Variants in KCNB2 observed in about 807,000 individuals in gnomAD.
The protein encoded by KCNB2 is potassium voltage-gated channel subfamily B member 2.
KCNB2 carries 15 observed loss-of-function variants against 61.5 expected under a neutral mutation model. The observed-to-expected ratio is 0.24, with a 90% CI of 0.16 to 0.38. The LOEUF (loss-of-function observed/expected upper bound fraction) is 0.38. KCNB2 is among the 10% of genes least tolerant of loss of function. The pLI is 1.00. For missense variants in KCNB2, 828 were observed against 1,125.2 expected, an observed-to-expected ratio of 0.74 and a Z score of 3.78; for synonymous variants, 457 against 446.0, an observed-to-expected ratio of 1.02 and a Z score of -0.31.
At chr8:72,863,330 G>A (rs925563020) in intron 2 of KCNB2, among the ~76,000 whole-genome samples, 2 of 152,104 alleles carry the variant, frequency 1.3e-5, no homozygotes, top group Non-Finnish European at 2.9e-5. Context: ...CATTTACCAA[G>A]CAAAAATAAG....
At chr8:72,711,462 G>A (rs751066775) in intron 2 of KCNB2, among the ~76,000 whole-genome samples, 1 of 152,148 alleles carries the variant, frequency 6.6e-6, no homozygotes, top group Non-Finnish European at 1.5e-5. Flanking sequence ...GGGAACTTCA[G>A]TAACATTTAA....
At chr8:72,739,343 A>T (rs1358212997) in intron 2 of KCNB2, among the ~76,000 whole-genome samples, 1 of 151,962 alleles carries the variant, frequency 6.6e-6, no homozygotes, top group Admixed American at 6.6e-5. Context: ...TGAGGTATGG[A>T]TCCTTACTCA....
intron 2 of KCNB2, among the ~76,000 whole-genome samples, chr8:72,920,459 ATCTATC>A (rs1340801256): frequency 2.8e-4 from 22 of 77,944 alleles, no homozygotes; most frequent in East Asian, 1.3e-3. Flanking sequence ...CTATCTATCT[ATCTATC>A]TATCTATCTA....
At chr8:72,856,804 G>A (rs2129003721) in intron 2 of KCNB2, among the ~76,000 whole-genome samples, 1 of 152,186 alleles carries the variant, frequency 6.6e-6, no homozygotes, top group Admixed American at 6.5e-5. Context: ...CCAACAACTG[G>A]AATACTGTTG....
chr8:72,921,072 A>AAAG (rs1468940272), intron 2 of KCNB2, among the ~76,000 whole-genome samples: 1 of 152,150 alleles, frequency 6.6e-6, no homozygotes, highest in Non-Finnish European at 1.5e-5. Flanking sequence ...GAAATTATCC[A>AAAG]AAGTTCAGCT....
chr8:72,636,633 G>A (rs148738578), intron 2 of KCNB2, among the ~76,000 whole-genome samples: 3 of 152,090 alleles, frequency 2.0e-5, no homozygotes, highest in Non-Finnish European at 4.4e-5. Flanking sequence ...ACTTACCCAA[G>A]GTCATACAGC....
chr8:72,539,512 T>C (rs1806161547), intron 1 of KCNB2, among the ~76,000 whole-genome samples: 1 of 152,210 alleles, frequency 6.6e-6, no homozygotes, highest in African/African-American at 2.4e-5. Context: ...CTCAGACTTT[T>C]GGAGAAAGAA....
chr8:72,673,374 G>T (rs1337086189), intron 2 of KCNB2, among the ~76,000 whole-genome samples: 1 of 152,086 alleles, frequency 6.6e-6, no homozygotes, highest in African/African-American at 2.4e-5. Flanking sequence ...TTTTTTAAGG[G>T]GCTTCCCCCT....
intron 2 of KCNB2, among the ~76,000 whole-genome samples, chr8:72,671,283 A>G (rs943576810): frequency 6.6e-6 from 1 of 152,220 alleles, no homozygotes; most frequent in Non-Finnish European, 1.5e-5. Flanking sequence ...AAATGATTGT[A>G]GATGTACAAA....
At chr8:72,692,643 C>T (rs1337779368) in intron 2 of KCNB2, among the ~76,000 whole-genome samples, 1 of 152,098 alleles carries the variant, frequency 6.6e-6, no homozygotes, top group African/African-American at 2.4e-5. Flanking sequence ...CATTCCATCT[C>T]ACGTACATAA....
Position 72,655,135 on chromosome 8 carries a change from G to A in KCNB2, c.579+86822G>A, listed in dbSNP as rs117090115. Among the ~76,000 whole-genome samples the A allele has an allele frequency of 5.5e-4, 84 of 152,268 alleles. No individual in the cohort carries two copies. In the East Asian group the frequency reaches 0.014, roughly 25 times the overall value. On this transcript the variant is annotated intron_variant, in intron 2 of 2. Coordinates refer to ENST00000523207, the MANE Select transcript of KCNB2 (RefSeq NM_004770.3). ...CAGCTATAAAAAAGCATGAGATCAC[G>A]TCGTTTGCAGCAACATGGATGGAGC...
chr8:72,545,854 T>C (rs1266429588), intron 1 of KCNB2, among the ~76,000 whole-genome samples: 1 of 152,188 alleles, frequency 6.6e-6, no homozygotes, highest in Non-Finnish European at 1.5e-5. Context: ...CTCCAATGAA[T>C]ACATGAATGA....
At chr8:72,615,432 C>G (rs1009281930) in intron 2 of KCNB2, among the ~76,000 whole-genome samples, 14 of 152,124 alleles carry the variant, frequency 9.2e-5, no homozygotes, top group Admixed American at 8.5e-4. Flanking sequence ...CTCAGTTGTA[C>G]GAGAATTCCC....
intron 2 of KCNB2, among the ~76,000 whole-genome samples, chr8:72,684,794 A>C (rs1417054925): frequency 2.6e-5 from 4 of 152,212 alleles, no homozygotes; most frequent in African/African-American, 9.6e-5. Context: ...GAGAGTAGAA[A>C]GTCACTGAGT....
chr8:72,607,177 A>T (rs1805463543), intron 2 of KCNB2, among the ~76,000 whole-genome samples: 1 of 152,164 alleles, frequency 6.6e-6, no homozygotes, highest in South Asian at 2.1e-4. Context: ...GGGCAGTGGT[A>T]ATGCTAAAGA....
chr8:72,903,593 A>G (rs868150629), intron 2 of KCNB2, among the ~76,000 whole-genome samples: 3 of 152,272 alleles, frequency 2.0e-5, no homozygotes, highest in Middle Eastern at 3.4e-3. Flanking sequence ...AAATAAATAA[A>G]TAAATAAAAT....
In KCNB2 at chr8:72,567,785, A is replaced by G. The variant is rs1451241022; in HGVS notation, c.51A>G (p.Thr17=). The G allele has an allele frequency of 2.5e-6, 4 of 1,609,234 alleles. No individual in the cohort carries two copies. The highest frequency in any genetic ancestry group is 1.1e-5 in the South Asian group (1 of 90,044). Residue 17 remains threonine, a synonymous_variant, in exon 2 of 3, where the codon ACA becomes ACG. Transcript: ENST00000523207. ...TAAACAGGAAGACTTCAAGGTCGAC[A>G]CTTTCCCTTCCTCCAGAGCCTGTGG... The part of the protein sequence containing the change: ...PGLNRKTSRS[T]LSLPPEPVDI...
intron 2 of KCNB2, among the ~76,000 whole-genome samples, chr8:72,901,445 C>T (rs1806092586): frequency 6.6e-6 from 1 of 152,152 alleles, no homozygotes; most frequent in Non-Finnish European, 1.5e-5. Flanking sequence ...TATATAGATT[C>T]ATATTTTTAC....
intron 2 of KCNB2, among the ~76,000 whole-genome samples, chr8:72,572,472 C>T (rs1806725407): frequency 6.6e-6 from 1 of 151,898 alleles, no homozygotes; most frequent in Non-Finnish European, 1.5e-5. Context: ...GATCTGCTTC[C>T]CACTCCTCAA....
Sources: allele counts gnomAD v4.1 joint callset (sites outside exome capture counted in the v4.1 genomes callset), GRCh38; gene constraint gnomAD v4.1.1; transcripts MANE v1.5; gene names NCBI Gene and HGNC (gene_info 2026-07-23, HGNC 2026-07-21).